The following AUTS2 variants were observed in gnomAD, a reference collection of about 807,000 sequenced individuals.
AUTS2 encodes activator of transcription and developmental regulator AUTS2.
Under a neutral mutation model 112.4 loss-of-function variants are expected in AUTS2, and 17 were observed. That is an observed-to-expected ratio of 0.15 (90% CI 0.10 to 0.23). The LOEUF (loss-of-function observed/expected upper bound fraction) is 0.23. Ranked by LOEUF, AUTS2 falls within the 10% of genes least tolerant of loss-of-function variation. The pLI is 1.00. For synonymous variants in AUTS2, 751 were observed against 702.7 expected (o/e 1.07, Z -1.09); for missense variants, 1,510 against 1,701.6 (o/e 0.89, Z 1.98).
At chr7:69,628,360 T>A (rs1794063107) in intron 1 of AUTS2, among the ~76,000 whole-genome samples, 1 of 152,224 alleles carries the variant, frequency 6.6e-6, no homozygotes, top group African/African-American at 2.4e-5. Context: ...AAATAGATTT[T>A]AAAAATGTTT....
At chr7:70,465,379 G>A (rs2115709081) in intron 5 of AUTS2, among the ~76,000 whole-genome samples, 1 of 152,294 alleles carries the variant, frequency 6.6e-6, no homozygotes, top group Middle Eastern at 3.4e-3. Context: ...GGCTTCAGGT[G>A]TACATAGTTT....
chr7:69,778,020 A>T (rs1003048275), intron 1 of AUTS2, among the ~76,000 whole-genome samples: 1 of 152,164 alleles, frequency 6.6e-6, no homozygotes, highest in Non-Finnish European at 1.5e-5. Context: ...TTGGCTAGAG[A>T]GATAGGTAGA....
At chr7:69,604,826 A>G (rs1488517835) in intron 1 of AUTS2, among the ~76,000 whole-genome samples, 1 of 152,258 alleles carries the variant, frequency 6.6e-6, no homozygotes, top group Non-Finnish European at 1.5e-5. Context: ...TTCTAAAAGC[A>G]TCATTTCCTT....
At chr7:70,247,153 A>G (rs1439493484) in intron 4 of AUTS2, among the ~76,000 whole-genome samples, 3 of 152,208 alleles carry the variant, frequency 2.0e-5, no homozygotes, top group African/African-American at 7.2e-5. Flanking sequence ...AACAAAATGT[A>G]GTATATTTAT....
chr7:69,736,372 G>C (rs1787032816), intron 1 of AUTS2, among the ~76,000 whole-genome samples: 1 of 152,266 alleles, frequency 6.6e-6, no homozygotes, highest in Middle Eastern at 3.4e-3. Flanking sequence ...GCTTTGACTT[G>C]GGTATTTCCT....
chr7:70,663,107 G>A (rs11767524), intron 5 of AUTS2, among the ~76,000 whole-genome samples: 15 of 152,180 alleles, frequency 9.9e-5, no homozygotes, highest in Non-Finnish European at 1.9e-4. Flanking sequence ...TAAAGTTTAA[G>A]CTCCTGACCA....
At chr7:70,359,154 A>T (rs1283410277) in intron 4 of AUTS2, among the ~76,000 whole-genome samples, 3 of 152,238 alleles carry the variant, frequency 2.0e-5, no homozygotes, top group Non-Finnish European at 4.4e-5. Flanking sequence ...TTTCAATTTC[A>T]AGAGTCCAGA....
At position 69,912,202 on chromosome 7, in the gene AUTS2, T is replaced by G. The variant is rs1182195644; in HGVS notation, c.522+12704T>G. ...ATTTTCCTCTGAAATCAGAGTGGGC[T>G]CCAGGTATGGGGAGAAGCCAGGTAT... On this transcript the variant is annotated intron_variant, in intron 2 of 18. Coordinates refer to ENST00000342771, the MANE Select transcript of AUTS2 (RefSeq NM_015570.4). 2.6e-5 allele frequency among the ~76,000 whole-genome samples: 4 copies of G among 152,300 alleles called. No homozygotes were observed. The East Asian group carries it at 7.7e-4, about 29-fold the overall frequency.
chr7:70,280,295 T>C (rs904165677), intron 4 of AUTS2, among the ~76,000 whole-genome samples: 4 of 148,792 alleles, frequency 2.7e-5, no homozygotes, highest in Non-Finnish European at 6.0e-5. Context: ...TTTTTTTTTT[T>C]TTTTTCCGAG....
chr7:69,922,021 G>T (rs1373038206), intron 2 of AUTS2, among the ~76,000 whole-genome samples: 1 of 151,986 alleles, frequency 6.6e-6, no homozygotes, highest in African/African-American at 2.4e-5. Context: ...CCGAGATCAC[G>T]CCATTGCACT....
rs369237364 is a variant in AUTS2 at position 70,187,656 on chromosome 7, T to C, written c.660+53085T>C. 9.8e-5 allele frequency among the ~76,000 whole-genome samples: 15 copies of C among 152,306 alleles called. 1 individual carries two copies. Among genetic ancestry groups the C allele is most frequent in the Admixed American group, 7.2e-4 (11 of 15,286 alleles). The stretch of plus-strand genomic sequence containing the variant: ...TAATCACGTGAACTTATTATTCAAA[T>C]TAATGGCTTCTTGGCATAATTTTCA... On this transcript the variant is annotated intron_variant, in intron 4 of 18. Transcript: ENST00000342771.
chr7:70,448,029 A>G (rs1297379430), intron 5 of AUTS2, among the ~76,000 whole-genome samples: 2 of 152,204 alleles, frequency 1.3e-5, no homozygotes, highest in Non-Finnish European at 2.9e-5. Flanking sequence ...CCCAGTAATT[A>G]GTGGGATATG....
intron 1 of AUTS2, among the ~76,000 whole-genome samples, chr7:69,602,034 ATATATATGTGTG>A (rs1259825020): frequency 7.6e-6 from 1 of 131,200 alleles, no homozygotes; most frequent in Non-Finnish European, 1.6e-5. Flanking sequence ...ATATATATAT[ATATATATGTGTG>A]TGTGTGTGTG....
intron 4 of AUTS2, among the ~76,000 whole-genome samples, chr7:70,378,882 A>G (rs1211833179): frequency 1.3e-5 from 2 of 152,238 alleles, no homozygotes; most frequent in Non-Finnish European, 2.9e-5. Flanking sequence ...CTATAAGTAT[A>G]TGATTCAGAA....
chr7:69,626,620 C>T (rs1485004285), intron 1 of AUTS2, among the ~76,000 whole-genome samples: 1 of 152,092 alleles, frequency 6.6e-6, no homozygotes, highest in African/African-American at 2.4e-5. Context: ...TAATTCTAGG[C>T]CTATCAGAGG....
At chr7:70,593,227 C>A (rs1034182190) in intron 5 of AUTS2, among the ~76,000 whole-genome samples, 1 of 152,142 alleles carries the variant, frequency 6.6e-6, no homozygotes, top group African/African-American at 2.4e-5. Context: ...TAGTACCTAC[C>A]TCATGGGGCT....
chr7:70,459,437 T>C (rs1796873440), intron 5 of AUTS2, among the ~76,000 whole-genome samples: 1 of 152,198 alleles, frequency 6.6e-6, no homozygotes, highest in African/African-American at 2.4e-5. Context: ...AGCCCATTAG[T>C]GAACTGTCAT....
chr7:70,210,996 A>G (rs1810852456), intron 4 of AUTS2, among the ~76,000 whole-genome samples: 1 of 152,148 alleles, frequency 6.6e-6, no homozygotes, highest in South Asian at 2.1e-4. Context: ...AGGGTAGGAA[A>G]AACATTATTG....
intron 5 of AUTS2, among the ~76,000 whole-genome samples, chr7:70,677,489 C>G (rs530640809): frequency 3.3e-5 from 5 of 152,304 alleles, no homozygotes; most frequent in African/African-American, 1.2e-4. Flanking sequence ...TGTTGCATCA[C>G]TGCCACACAC....
Sources: allele counts gnomAD v4.1 joint callset (sites outside exome capture counted in the v4.1 genomes callset), GRCh38; gene constraint gnomAD v4.1.1; transcripts MANE v1.5; gene names NCBI Gene and HGNC (gene_info 2026-07-23, HGNC 2026-07-21).